ARSF: variants seen among roughly 807,000 people sequenced by gnomAD.
The protein encoded by ARSF is arylsulfatase F.
ARSF carries 33 observed loss-of-function variants against 35.4 expected under a neutral mutation model. The ratio of observed to expected loss-of-function variants is 0.93; its 90% CI spans 0.71 to 1.25. The LOEUF (loss-of-function observed/expected upper bound fraction) is 1.25, where lower values mean the gene tolerates loss of function less well. Among genes scored for constraint, ARSF ranks in the 50% most tolerant of loss-of-function variants. ARSF has a pLI of 0.00. For synonymous variants in ARSF, 222 were observed against 193.1 expected (o/e 1.15, Z -1.24); for missense variants, 501 against 480.2 (o/e 1.04, Z -0.40).
chrX:3,110,016 G>C (rs776245953), intron 9 of ARSF, 112 bp from the exon 10 acceptor site: 15 of 772,424 alleles, frequency 1.9e-5, no homozygotes, highest in Admixed American at 3.9e-5. Flanking sequence ...TCAGTACGCT[G>C]TCCTCTGGAC....
Position 3,112,727 on chromosome X carries a change from A to C in ARSF, c.*171A>C. ...TTATTAAAGGCCCACTGGTTGTTCC[A>C]CTTGCTGCTTTTTTTTGGATTCCTG... On this transcript the variant is annotated 3_prime_UTR_variant, in exon 11 of 11. Transcript: ENST00000381127. The C allele has an allele frequency of 1.4e-6, 1 of 723,360 alleles. No individual in the cohort carries two copies. Among genetic ancestry groups the C allele is most frequent in the Non-Finnish European group, 1.8e-6 (1 of 543,454 alleles). 59.6% of individuals were successfully genotyped at this position (723,360 alleles called of 1,213,427 possible).
At chrX:3,063,382 T>C (rs1394177999) in intron 1 of ARSF, among the ~76,000 whole-genome samples, 1 of 111,716 alleles carries the variant, frequency 9.0e-6, no homozygotes, top group African/African-American at 3.3e-5. Context: ...GCATTCCCTT[T>C]GAAAACTGGC....
At chrX:3,076,961 G>A (rs1026037799) in intron 4 of ARSF, among the ~76,000 whole-genome samples, 2 of 111,230 alleles carry the variant, frequency 1.8e-5, no homozygotes, top group African/African-American at 3.3e-5. Flanking sequence ...TGGGAGGATC[G>A]CCTGAGCCCG....
chrX:3,072,426 A>G (rs147730770), intron 3 of ARSF, among the ~76,000 whole-genome samples: 68 of 111,619 alleles, frequency 6.1e-4, no homozygotes, highest in Middle Eastern at 4.6e-3. Context: ...TTCACAGGGT[A>G]CACAGTGAGG....
At chrX:3,046,386 C>T (rs932817969) in intron 1 of ARSF, among the ~76,000 whole-genome samples, 1 of 111,411 alleles carries the variant, frequency 9.0e-6, no homozygotes, top group Admixed American at 9.6e-5. Context: ...GATTTGGGGG[C>T]TCCTTTTTAA....
intron 9 of ARSF, 38 bp from the exon 10 acceptor site, chrX:3,110,090 C>T (rs1450774629): frequency 9.0e-7 from 1 of 1,116,818 alleles, no homozygotes; most frequent in East Asian, 3.2e-5. Context: ...CGTCCCTTCT[C>T]CTCATTTTCC....
intron 3 of ARSF, among the ~76,000 whole-genome samples, chrX:3,072,849 A>C (rs112832494): frequency 0.044 from 4,541 of 103,915 alleles, 237 homozygotes; most frequent in African/African-American, 0.15. Context: ...CATTTATTAT[A>C]TTACATATCC....
intron 7 of ARSF, among the ~76,000 whole-genome samples, chrX:3,092,200 CATACATACATAG>C (rs1381915023): frequency 2.7e-5 from 3 of 109,207 alleles, no homozygotes; most frequent in Non-Finnish European, 5.7e-5. Flanking sequence ...TACATACATA[CATACATACATAG>C]ATACATAGAT....
At chrX:3,049,390 A>C (rs758572527) in intron 1 of ARSF, among the ~76,000 whole-genome samples, 11 of 111,548 alleles carry the variant, frequency 9.9e-5, no homozygotes, top group Non-Finnish European at 2.1e-4. Context: ...TGTTCAGTGA[A>C]TCTGCAAGTT....
At chrX:3,040,958 A>T (rs113261570), upstream of ARSF, among the ~76,000 whole-genome samples, 3,297 of 111,318 alleles carry the variant, frequency 0.03, 49 homozygotes, top group Middle Eastern at 0.056. Context: ...TCCTCATTTT[A>T]AAATAAAAGT....
At chrX:3,077,818 T>TA (rs1569138566) in intron 4 of ARSF, among the ~76,000 whole-genome samples, 34 of 104,293 alleles carry the variant, frequency 3.3e-4, no homozygotes, top group African/African-American at 1.0e-3. Context: ...TTATTATTAT[T>TA]TTTGAAATGG....
At chrX:3,046,484 C>G (rs1009467230) in intron 1 of ARSF, among the ~76,000 whole-genome samples, 1 of 112,008 alleles carries the variant, frequency 8.9e-6, no homozygotes, top group Non-Finnish European at 1.9e-5. Context: ...GGAGATGCAG[C>G]TGGCTTGTCT....
chrX:3,101,266 T>G, intron 8 of ARSF, 45 bp downstream of exon 8: 1 of 1,170,303 alleles, frequency 8.5e-7, no homozygotes. Flanking sequence ...TGAATAAGCT[T>G]TTTTGTGGTT....
intron 4 of ARSF, among the ~76,000 whole-genome samples, chrX:3,077,944 C>T (rs1460292004): frequency 1.9e-5 from 2 of 105,876 alleles, no homozygotes; most frequent in Non-Finnish European, 3.9e-5. Flanking sequence ...ACTGGGATTA[C>T]AGGCACGTGC....
chrX:3,101,271 G>A, intron 8 of ARSF, 50 bp downstream of exon 8: 1 of 1,168,494 alleles, frequency 8.6e-7, no homozygotes. Flanking sequence ...AAGCTTTTTT[G>A]TGGTTCTTAT....
chrX:3,054,875 A>T (rs1251896515), intron 1 of ARSF, among the ~76,000 whole-genome samples: 1 of 108,282 alleles, frequency 9.2e-6, no homozygotes, highest in Admixed American at 9.9e-5. Flanking sequence ...CTAGGATTAC[A>T]GGCATGTGCC....
At chrX:3,092,204 C>G (rs1391753246) in intron 7 of ARSF, among the ~76,000 whole-genome samples, 2 of 109,443 alleles carry the variant, frequency 1.8e-5, no homozygotes, top group Admixed American at 9.8e-5. Flanking sequence ...TACATACATA[C>G]ATACATAGAT....
intron 7 of ARSF, among the ~76,000 whole-genome samples, chrX:3,092,066 T>C (rs1364190221): frequency 9.0e-6 from 1 of 110,538 alleles, no homozygotes; most frequent in African/African-American, 3.3e-5. Context: ...ATGATACATA[T>C]GACAGATGAT....
intron 1 of ARSF, among the ~76,000 whole-genome samples, chrX:3,058,066 G>A (rs916099050): frequency 4.5e-5 from 5 of 112,019 alleles, no homozygotes; most frequent in East Asian, 2.8e-4. Flanking sequence ...TTTTCATTTC[G>A]TGTTCTAGTG....
Sources: gnomAD v4.1 joint callset for allele counts (sites outside exome capture counted in the v4.1 genomes callset) on GRCh38, gnomAD v4.1.1 for gene constraint, MANE v1.5 for transcripts, NCBI Gene and HGNC (gene_info 2026-07-23, HGNC 2026-07-21) for gene names.